GLI2: variants seen among roughly 807,000 people sequenced by gnomAD.
GLI2 encodes transcription activator GLI2.
Under a neutral mutation model 78.9 loss-of-function variants are expected in GLI2, and 22 were observed. The ratio of observed to expected loss-of-function variants is 0.28; its 90% CI spans 0.20 to 0.40. The LOEUF is 0.40. Among genes scored for constraint, GLI2 ranks in the 10% least tolerant of loss-of-function variants. The pLI is 1.00. For missense variants in GLI2, 2,097 were observed against 2,213.2 expected (o/e 0.95, Z 1.05); for synonymous variants, 974 against 963.7 (o/e 1.01, Z -0.20).
chr2:120,913,564 G>T (rs1678939851), intron 2 of GLI2, among the ~76,000 whole-genome samples: 1 of 152,164 alleles, frequency 6.6e-6, no homozygotes, highest in Non-Finnish European at 1.5e-5. Flanking sequence ...ACCTAGGGAA[G>T]ATTCTAGTCC....
intron 3 of GLI2, 152 bp from the exon 4 acceptor site, chr2:120,951,091 G>A: frequency 1.4e-6 from 1 of 713,814 alleles, no homozygotes; most frequent in Non-Finnish European, 2.6e-6. Flanking sequence ...ATTCACAGAT[G>A]ACCAGGGGAA....
intron 3 of GLI2, among the ~76,000 whole-genome samples, chr2:120,937,911 A>G (rs985511103): frequency 2.6e-5 from 4 of 152,146 alleles, no homozygotes; most frequent in African/African-American, 9.7e-5. Flanking sequence ...GCCCTTTCTC[A>G]TCACTAAAAC....
At position 120,986,479 on chromosome 2, in the gene GLI2, C is replaced by T. The variant is rs773976966; in HGVS notation, c.2107C>T (p.Arg703Cys). ...AAPSAGGLQL[R>C]KHMTTMHRFE... Reference sequence around the variant, plus strand: ...CCCCTCCGCTGGTGGCCTCCAGCTGCGCAAACACATGACCACCATGCACCG... The same window carrying T: ...CCCCTCCGCTGGTGGCCTCCAGCTGTGCAAACACATGACCACCATGCACCG... The change falls in exon 13 of 14, where the codon CGC becomes TGC. Residue 703 changes from arginine (R) to cysteine (C), a missense_variant. This residue lies in a region of GLI2 where 1,290 missense variants were observed against 1,261.7 expected (regional missense o/e 1.02). Coordinates refer to ENST00000361492, the MANE Select transcript of GLI2 (RefSeq NM_001374353.1). 49 of 1,613,966 alleles carry T rather than the reference C, an allele frequency of 3.0e-5. No homozygotes were observed. The highest frequency in any genetic ancestry group is 1.1e-4 in the African/African-American group (8 of 74,944).
At chr2:120,969,030 G>A in intron 6 of GLI2, 115 bp downstream of exon 6, 2 of 750,074 alleles carry the variant, frequency 2.7e-6, no homozygotes, top group East Asian at 5.4e-5. Flanking sequence ...CAGGACCTGT[G>A]GCATTTGTGA....
Position 120,835,323 on chromosome 2 carries a change from T to C in GLI2, c.148+37855T>C, listed in dbSNP as rs374035868. Among the ~76,000 whole-genome samples the C allele has an allele frequency of 1.3e-4, 20 of 150,762 alleles. No individual in the cohort carries two copies. The East Asian group carries it at 2.1e-3, about 16-fold the overall frequency. On this transcript the variant is annotated intron_variant, in intron 2 of 13. Transcript: ENST00000361492. The stretch of plus-strand genomic sequence containing the variant: ...AGATGCAGCCTTAGGGAAGATTGGC[T>C]CCCGTTGTTGCTCAGGTGAGGCGTC...
chr2:120,905,867 G>GCCCCCCCCCCC (rs149778827), intron 2 of GLI2, among the ~76,000 whole-genome samples: 10 of 146,066 alleles, frequency 6.8e-5, no homozygotes, highest in African/African-American at 1.3e-4. Context: ...GGGCTACACT[G>GCCCCCCCCCCC]CCCCCCCCCC....
intron 1 of GLI2, among the ~76,000 whole-genome samples, chr2:120,764,241 G>C (rs11122815): frequency 0.15 from 23,106 of 152,284 alleles, 1,825 homozygotes; most frequent in Middle Eastern, 0.21. Context: ...GGAGGCTGCA[G>C]GGGACACCTT....
intron 2 of GLI2, among the ~76,000 whole-genome samples, chr2:120,815,412 A>T (rs1336259931): frequency 6.6e-6 from 1 of 152,192 alleles, no homozygotes; most frequent in African/African-American, 2.4e-5. Flanking sequence ...GGCGGAAGTG[A>T]GAGTAAAAGC....
At chr2:120,744,938 T>C (rs1369355415) in intron 1 of GLI2, among the ~76,000 whole-genome samples, 1 of 152,230 alleles carries the variant, frequency 6.6e-6, no homozygotes, top group African/African-American at 2.4e-5. Context: ...AATGTCTTTT[T>C]ACTATGATGT....
At chr2:120,801,497 G>A (rs1441228034) in intron 2 of GLI2, among the ~76,000 whole-genome samples, 4 of 152,282 alleles carry the variant, frequency 2.6e-5, no homozygotes, top group South Asian at 4.1e-4. Context: ...TCATTGATAG[G>A]GGATTGGTTC....
At chr2:120,827,270 C>G (rs1348876364) in intron 2 of GLI2, among the ~76,000 whole-genome samples, 1 of 152,140 alleles carries the variant, frequency 6.6e-6, no homozygotes, top group Non-Finnish European at 1.5e-5. Flanking sequence ...AGTGGTGAGC[C>G]CGGCGTCTCT....
At chr2:120,780,341 C>G (rs866487060) in intron 1 of GLI2, among the ~76,000 whole-genome samples, 6 of 152,218 alleles carry the variant, frequency 3.9e-5, no homozygotes, top group Non-Finnish European at 5.9e-5. Context: ...CAGGCATCTT[C>G]CCCTCTTTCT....
chr2:120,955,973 A>G (rs1183113960), intron 5 of GLI2, among the ~76,000 whole-genome samples: 3 of 152,074 alleles, frequency 2.0e-5, no homozygotes, highest in African/African-American at 7.2e-5. Flanking sequence ...GTGAGGCCAG[A>G]GTTTCCAGGT....
In GLI2 at chr2:120,847,838, C is replaced by A. The variant is rs189558044; in HGVS notation, c.148+50370C>A. Among the ~76,000 whole-genome samples the A allele has an allele frequency of 1.7e-3, 263 of 152,244 alleles. 2 individuals are homozygous for A. Among genetic ancestry groups the A allele is most frequent in the South Asian group, 0.015 (74 of 4,830 alleles). ...AGGCCAAGACCCAGCGTGGAGCCTA[C>A]GACTGCAGCTGGATCCCTGCCAGCC... On this transcript the variant is annotated intron_variant, in intron 2 of 13. Transcript: ENST00000361492.
intron 2 of GLI2, among the ~76,000 whole-genome samples, chr2:120,820,118 G>T (rs935312838): frequency 2.6e-5 from 4 of 152,166 alleles, no homozygotes; most frequent in Non-Finnish European, 4.4e-5. Flanking sequence ...TGAGGCTGAT[G>T]AAGGCAAGTG....
At chr2:120,827,828 T>C (rs1686163599) in intron 2 of GLI2, among the ~76,000 whole-genome samples, 1 of 152,112 alleles carries the variant, frequency 6.6e-6, no homozygotes, top group Admixed American at 6.5e-5. Context: ...CCTAGAGTCG[T>C]CAGAATCGTA....
chr2:120,908,287 C>G (rs1391627040), intron 2 of GLI2, among the ~76,000 whole-genome samples: 1 of 152,154 alleles, frequency 6.6e-6, no homozygotes, highest in East Asian at 1.9e-4. Flanking sequence ...CCAAGACTGT[C>G]CAGAGCGTGG....
rs756058596 is a variant in GLI2, at chr2:120,856,207, G to A, written c.148+58739G>A. ...CTCAGGCTGAGAAGCTGCCTGTTCT[G>A]CCTGCCTGGCTTCTCTCATGATGCC... is the stretch of plus-strand genomic sequence containing the variant. On this transcript the variant is annotated intron_variant, in intron 2 of 13. Coordinates refer to ENST00000361492, the MANE Select transcript of GLI2 (RefSeq NM_001374353.1). Among the ~76,000 whole-genome samples, 62 of 152,290 alleles carry A rather than the reference G, an allele frequency of 4.1e-4. No individual in the cohort carries two copies. In the Middle Eastern group the frequency reaches 0.014, roughly 33 times the overall value.
intron 2 of GLI2, among the ~76,000 whole-genome samples, chr2:120,817,384 C>G (rs992623546): frequency 1.3e-5 from 2 of 152,232 alleles, no homozygotes; most frequent in African/African-American, 2.4e-5. Context: ...GCCCACCTGT[C>G]ACCCCTTCCA....
Sources: gnomAD v4.1 joint callset for allele counts (sites outside exome capture counted in the v4.1 genomes callset) on GRCh38, gnomAD v4.1.1 for gene constraint, gnomAD v4.1.1 regional missense constraint, MANE v1.5 for transcripts, NCBI Gene and HGNC (gene_info 2026-07-23, HGNC 2026-07-21) for gene names.